EFCAB3: variants seen among roughly 807,000 people sequenced by gnomAD.
EFCAB3 encodes the protein EF-hand calcium-binding domain-containing protein 3.
EFCAB3 carries 36 observed loss-of-function variants against 42.2 expected under a neutral mutation model. The observed-to-expected ratio is 0.85, with a 90% confidence interval of 0.65 to 1.13. The LOEUF (loss-of-function observed/expected upper bound fraction) is 1.13, where lower values mean the gene tolerates loss of function less well. Ranked by LOEUF, EFCAB3 falls within the 50% of genes most tolerant of loss-of-function variation. The pLI is 0.00. For synonymous variants in EFCAB3, 170 were observed against 172.8 expected (o/e 0.98, Z 0.13); for missense variants, 418 against 505.1 (o/e 0.83, Z 1.65).
chr17:62,407,284 A>G, intron 8 of EFCAB3, 72 bp downstream of exon 8: 1 of 1,294,806 alleles, frequency 7.7e-7, no homozygotes, highest in Non-Finnish European at 1.0e-6. Context: ...AACTAATGAC[A>G]TGCTTTTTAC....
In EFCAB3 at chr17:62,393,655, A is replaced by T. The variant is rs202231587; in HGVS notation, c.367+11A>T. ...TCCTCAAGGCAGTGGGTGAGTAGAG[A>T]TGTTATGAACAGAAGGCAGTTGGGC... On this transcript the variant is annotated intron_variant, in intron 5 of 9. Transcript: ENST00000305286. 173 of 1,612,872 alleles carry T rather than the reference A, an allele frequency of 1.1e-4. No homozygotes were observed. The highest frequency in any genetic ancestry group is 1.6e-4 in the Middle Eastern group (1 of 6,084).
intron 6 of EFCAB3, among the ~76,000 whole-genome samples, chr17:62,405,250 G>T (rs2070438133): frequency 6.6e-6 from 1 of 152,300 alleles, no homozygotes; most frequent in Non-Finnish European, 1.5e-5. Context: ...TGAGTTCAAG[G>T]CTAGGGAAGA....
chr17:62,372,796 G>C (rs1313560805), intron 1 of EFCAB3, among the ~76,000 whole-genome samples: 1 of 152,008 alleles, frequency 6.6e-6, no homozygotes, highest in Non-Finnish European at 1.5e-5. Flanking sequence ...TCCCAAAAAA[G>C]TCCAAACAAA....
intron 2 of EFCAB3, chr17:62,374,009 GA>G (rs2144044844): frequency 2.1e-6 from 1 of 478,242 alleles, no homozygotes; most frequent in South Asian, 4.3e-5. Flanking sequence ...ATGAAAAAAG[GA>G]AATTTTAATA....
At chr17:62,412,298 C>T (rs2070505219) in intron 8 of EFCAB3, among the ~76,000 whole-genome samples, 1 of 148,732 alleles carries the variant, frequency 6.7e-6, no homozygotes, top group African/African-American at 2.5e-5. Flanking sequence ...ATCACTTGAA[C>T]CCGGGAGGCA....
At chr17:62,383,581 G>T (rs79029644) in intron 2 of EFCAB3, among the ~76,000 whole-genome samples, 1 of 151,894 alleles carries the variant, frequency 6.6e-6, no homozygotes, top group African/African-American at 2.4e-5. Flanking sequence ...ACAAAACATC[G>T]GAATTGAAGA....
At chr17:62,402,895 T>A (rs924072368) in intron 6 of EFCAB3, among the ~76,000 whole-genome samples, 1 of 152,350 alleles carries the variant, frequency 6.6e-6, no homozygotes, top group African/African-American at 2.4e-5. Flanking sequence ...TCTGGTAGAA[T>A]TCGGCTGTGA....
chr17:62,391,719 T>A, intron 3 of EFCAB3, 103 bp from the exon 4 acceptor site: 1 of 1,230,238 alleles, frequency 8.1e-7, no homozygotes, highest in Non-Finnish European at 1.1e-6. Context: ...ATCCTTTTTT[T>A]AGAACATGAT....
intron 6 of EFCAB3, chr17:62,397,940 G>T (rs1373931312): frequency 9.2e-6 from 2 of 218,390 alleles, no homozygotes; most frequent in South Asian, 6.7e-5. Context: ...CAGGAGAATC[G>T]CTTGAACCTG....
Position 62,416,308 on chromosome 17 carries a change from T to C in EFCAB3, c.1296T>C (p.Gly432=), listed in dbSNP as rs375976809. The change falls in exon 10 of 10, where the codon GGT becomes GGC. Residue 432 remains glycine, a synonymous_variant. Transcript: ENST00000305286. ...CAGGAAGAAAAAGAAAACGGAAAGG[T>C]TTAAAGGGATTTCAACAATGAAATT... ...TDSGRKRKRK[G]LKGFQQ is the part of the protein sequence containing the mutation. 1.9e-4 allele frequency: 297 copies of C among 1,598,868 alleles called. No individual in the cohort carries two copies. Among genetic ancestry groups the C allele is most frequent in the Non-Finnish European group, 2.4e-4 (277 of 1,174,456 alleles).
chr17:62,415,975 A>G (rs1413197597), intron 9 of EFCAB3, 28 bp from the exon 10 acceptor site: 6 of 1,551,158 alleles, frequency 3.9e-6, no homozygotes, highest in Non-Finnish European at 5.2e-6. Context: ...TAAGGTAACT[A>G]CAATAAACTT....
Position 62,415,945 on chromosome 17 carries a change from T to C in EFCAB3, c.991-58T>C. Reference sequence around the variant, plus strand: ...ACTCTTGGGGTATCTATCATTGTGGTCCACAAATCAAAGCTACTTTAAGGT... The same window carrying C: ...ACTCTTGGGGTATCTATCATTGTGGCCCACAAATCAAAGCTACTTTAAGGT... On this transcript the variant is annotated intron_variant, in intron 9 of 9. Transcript: ENST00000305286. 6 of 1,364,674 alleles carry C rather than the reference T, an allele frequency of 4.4e-6. No homozygotes were observed. The East Asian group carries it at 6.9e-5, about 16-fold the overall frequency. The allele number at this position is 1,364,674 out of a possible 1,614,324, so 84.5% of individuals were successfully genotyped here. A position where few individuals can be genotyped will look rare whatever the true frequency, so the allele number is the denominator to read the frequency against.
intron 9 of EFCAB3, among the ~76,000 whole-genome samples, chr17:62,415,256 A>G (rs2070536363): frequency 6.6e-6 from 1 of 152,180 alleles, no homozygotes; most frequent in South Asian, 2.1e-4. Flanking sequence ...TCCAACATGA[A>G]GAGCCAACCA....
In EFCAB3 at chr17:62,416,254, A is replaced by G. The variant is rs2070548097; in HGVS notation, c.1242A>G (p.Ser414=). The G allele has an allele frequency of 1.9e-6, 3 of 1,613,938 alleles. No individual in the cohort carries two copies. The highest frequency in any genetic ancestry group is 2.5e-6 in the Non-Finnish European group (3 of 1,179,838). The change falls in exon 10 of 10, where the codon TCA becomes TCG. Residue 414 remains serine, a synonymous_variant. Coordinates refer to ENST00000305286, the MANE Select transcript of EFCAB3 (RefSeq NM_173503.4). ...CCCATAACTCCAGATCCTCTTCCTC[A>G]TCAGATACCAGTGAATGTTACACAG... is the stretch of plus-strand genomic sequence containing the variant. The part of the protein sequence containing the change: ...NSSHNSRSSS[S]SDTSECYTDS...
chr17:62,371,326 G>A (rs536683085), intron 1 of EFCAB3, among the ~76,000 whole-genome samples: 1 of 152,068 alleles, frequency 6.6e-6, no homozygotes, highest in South Asian at 2.1e-4. Context: ...AGGCTGAGGC[G>A]GGTGGATCAC....
intron 2 of EFCAB3, among the ~76,000 whole-genome samples, chr17:62,384,547 A>G (rs575737928): frequency 5.8e-4 from 89 of 152,176 alleles, no homozygotes; most frequent in Non-Finnish European, 1.1e-3. Flanking sequence ...CCTAGGAGGC[A>G]GAGGTTAGGG....
chr17:62,392,221 G>A (rs1209576600), intron 4 of EFCAB3, among the ~76,000 whole-genome samples: 1 of 149,608 alleles, frequency 6.7e-6, no homozygotes, highest in Non-Finnish European at 1.5e-5. Flanking sequence ...ATACATATAT[G>A]TATATATCCA....
At chr17:62,370,983 T>C (rs1332831629) in intron 1 of EFCAB3, among the ~76,000 whole-genome samples, 3 of 152,026 alleles carry the variant, frequency 2.0e-5, no homozygotes, top group East Asian at 1.9e-4. Flanking sequence ...TCCTAGCTAA[T>C]TGGGAGGCTG....
At chr17:62,393,941 T>G (rs2070326620) in intron 5 of EFCAB3, among the ~76,000 whole-genome samples, 1 of 147,438 alleles carries the variant, frequency 6.8e-6, no homozygotes. Flanking sequence ...CCTTCTATAA[T>G]GTCTGAATTA....
Sources: gnomAD v4.1 joint callset for allele counts (sites outside exome capture counted in the v4.1 genomes callset) on GRCh38, gnomAD v4.1.1 for gene constraint, MANE v1.5 for transcripts, NCBI Gene and HGNC (gene_info 2026-07-23, HGNC 2026-07-21) for gene names.